The following STK31 variants were observed in gnomAD, a reference collection of about 807,000 sequenced individuals.
STK31 encodes serine/threonine-protein kinase 31.
STK31 carries 89 observed loss-of-function variants against 129.7 expected under a neutral mutation model. The observed-to-expected ratio is 0.69, with a 90% confidence interval of 0.58 to 0.82. The LOEUF (loss-of-function observed/expected upper bound fraction) is 0.82. Ranked by LOEUF, STK31 falls within the 40% of genes least tolerant of loss-of-function variation. The pLI is 0.00. For synonymous variants in STK31, 448 were observed against 395.3 expected, an observed-to-expected ratio of 1.13 and a Z score of -1.58; for missense variants, 1,187 against 1,176.4, an observed-to-expected ratio of 1.01 and a Z score of -0.13.
At chr7:23,819,543 T>C (rs1000288531) in intron 23 of STK31, among the ~76,000 whole-genome samples, 1 of 151,648 alleles carries the variant, frequency 6.6e-6, no homozygotes, top group Non-Finnish European at 1.5e-5. Flanking sequence ...GCAGCTTGAG[T>C]AGCTGGGATT....
At chr7:23,767,294 C>T (rs1426467541) in intron 11 of STK31, among the ~76,000 whole-genome samples, 1 of 152,104 alleles carries the variant, frequency 6.6e-6, no homozygotes, top group Non-Finnish European at 1.5e-5. Context: ...TCTCATATTC[C>T]CTTGGAACTA....
intron 5 of STK31, chr7:23,727,713 C>G (rs1370900669): frequency 5.7e-6 from 1 of 175,096 alleles, no homozygotes; most frequent in African/African-American, 2.4e-5. Context: ...CAGGCGCCCA[C>G]CAACACACTG....
intron 8 of STK31, among the ~76,000 whole-genome samples, chr7:23,739,824 T>C (rs1477437090): frequency 6.6e-6 from 1 of 152,210 alleles, no homozygotes; most frequent in Non-Finnish European, 1.5e-5. Flanking sequence ...TTCTGTTCCA[T>C]TGATCTTTAT....
chr7:23,756,022 A>G (rs1231697850), intron 10 of STK31, among the ~76,000 whole-genome samples: 2 of 152,152 alleles, frequency 1.3e-5, no homozygotes, highest in Non-Finnish European at 2.9e-5. Flanking sequence ...GTTTTTTCTA[A>G]TTCTGTGAAG....
At chr7:23,771,922 T>C in intron 14 of STK31, 3 of 289,350 alleles carry the variant, frequency 1.0e-5, no homozygotes, top group Non-Finnish European at 1.9e-5. Context: ...AATATTACTT[T>C]TGTCTTTGTT....
chr7:23,711,758 T>C (rs1003397004), intron 1 of STK31, among the ~76,000 whole-genome samples: 1 of 152,150 alleles, frequency 6.6e-6, no homozygotes, highest in Non-Finnish European at 1.5e-5. Context: ...GGAAGTCCTT[T>C]TTATGGGAGG....
chr7:23,774,254 G>A (rs1279929000), intron 15 of STK31, among the ~76,000 whole-genome samples: 1 of 152,182 alleles, frequency 6.6e-6, no homozygotes, highest in Admixed American at 6.5e-5. Context: ...GTGTGCATGT[G>A]TCTTTATAGT....
At chr7:23,827,559 G>T (rs1239927776) in intron 23 of STK31, among the ~76,000 whole-genome samples, 1 of 151,470 alleles carries the variant, frequency 6.6e-6, no homozygotes, top group African/African-American at 2.4e-5. Context: ...CTTTAGCTTG[G>T]AGTAGTTTGA....
intron 8 of STK31, among the ~76,000 whole-genome samples, chr7:23,741,955 T>A (rs1788078303): frequency 6.6e-6 from 1 of 152,226 alleles, no homozygotes; most frequent in South Asian, 2.1e-4. Flanking sequence ...AGTGACACTT[T>A]TGGCCTGTGC....
intron 4 of STK31, 82 bp downstream of exon 4, chr7:23,717,661 T>C: frequency 9.3e-7 from 1 of 1,077,170 alleles, no homozygotes; most frequent in Non-Finnish European, 1.4e-6. Flanking sequence ...TTGGAGTTCC[T>C]GGTATATTTG....
chr7:23,807,306 AT>A (rs1318315571), intron 22 of STK31, among the ~76,000 whole-genome samples: 1 of 152,074 alleles, frequency 6.6e-6, no homozygotes, highest in Non-Finnish European at 1.5e-5. Context: ...TCTGAAGAAT[AT>A]TTTCACTGGG....
At chr7:23,806,857 G>A (rs952789794) in intron 22 of STK31, among the ~76,000 whole-genome samples, 39 of 141,600 alleles carry the variant, frequency 2.8e-4, no homozygotes, top group Non-Finnish European at 3.0e-5. Flanking sequence ...CAGAGATCAC[G>A]CCACTGCACT....
At chr7:23,726,646 A>C (rs749723934) in intron 4 of STK31, among the ~76,000 whole-genome samples, 40 of 151,852 alleles carry the variant, frequency 2.6e-4, no homozygotes, top group Non-Finnish European at 3.7e-4. Flanking sequence ...AAAATGATTG[A>C]AAGTACATAA....
intron 4 of STK31, among the ~76,000 whole-genome samples, chr7:23,718,454 T>G (rs1288785944): frequency 6.6e-6 from 1 of 152,150 alleles, no homozygotes; most frequent in Admixed American, 6.5e-5. Flanking sequence ...GATCAACATA[T>G]GGTTCTATCA....
chr7:23,830,157 T>G (rs1794454322), intron 23 of STK31, among the ~76,000 whole-genome samples: 1 of 152,126 alleles, frequency 6.6e-6, no homozygotes, highest in South Asian at 2.1e-4. Context: ...CATAGTGTCT[T>G]CTTTTTCATT....
intron 5 of STK31, chr7:23,727,556 C>CTTTTTTTTTTTTTTTTTTTTTTTTT (rs58066410): frequency 8.0e-6 from 1 of 125,358 alleles, no homozygotes. Context: ...TACCTCAGTT[C>CTTTTTTTTTTTTTTTTTTTTTTTTT]TTTTTTTTTT....
intron 1 of STK31, among the ~76,000 whole-genome samples, chr7:23,711,802 CA>C (rs1419712746): frequency 6.6e-6 from 1 of 152,020 alleles, no homozygotes; most frequent in South Asian, 2.1e-4. Context: ...TACATTGTTT[CA>C]AAGTATTGAT....
chr7:23,729,965 A>G (rs1487900169), intron 6 of STK31, among the ~76,000 whole-genome samples: 1 of 152,212 alleles, frequency 6.6e-6, no homozygotes, highest in Non-Finnish European at 1.5e-5. Flanking sequence ...ATCAGATTGT[A>G]TTATTTTGGC....
intron 7 of STK31, 142 bp from the exon 8 acceptor site, chr7:23,736,761 AT>A: frequency 1.8e-6 from 1 of 546,418 alleles, no homozygotes; most frequent in Non-Finnish European, 2.9e-6. Flanking sequence ...ATTTTTTAAT[AT>A]TATGAACTAG....
Sources: gnomAD v4.1 joint callset for allele counts (sites outside exome capture counted in the v4.1 genomes callset) on GRCh38, gnomAD v4.1.1 for gene constraint, MANE v1.5 for transcripts, NCBI Gene and HGNC (gene_info 2026-07-23, HGNC 2026-07-21) for gene names.